Variants in UNC13A observed in about 807,000 individuals in gnomAD.
UNC13A encodes the protein unc-13 homolog A, also known as protein unc-13 homolog A.
A neutral mutation model predicts 219.7 loss-of-function variants in UNC13A; 61 were observed. The observed-to-expected ratio is 0.28, with a 90% CI of 0.23 to 0.34. The LOEUF is 0.34. Among genes scored for constraint, UNC13A ranks in the 10% least tolerant of loss-of-function variants. UNC13A has a pLI of 1.00. For synonymous variants in UNC13A, 920 were observed against 884.6 expected (o/e 1.04, Z -0.71); for missense variants, 1,476 against 2,270.3 (o/e 0.65, Z 7.11).
intron 31 of UNC13A, 136 bp from the exon 32 acceptor site, chr19:17,628,076 A>G: frequency 1.3e-6 from 1 of 751,662 alleles, no homozygotes; most frequent in Middle Eastern, 3.4e-4. Flanking sequence ...GTCACCTGCA[A>G]ATGGAAGGGA....
chr19:17,623,601 G>A lies in UNC13A; in HGVS notation c.4198-54C>T, dbSNP rs866459270. The A allele has an allele frequency of 1.2e-4, 119 of 1,005,490 alleles. No individual in the cohort carries two copies. The African/African-American group carries it at 1.7e-3, about 14-fold the overall frequency. 62.3% of individuals were successfully genotyped at this position (1,005,490 alleles called of 1,614,324 possible). On this transcript the variant is annotated intron_variant, in intron 35 of 43. Transcript: ENST00000519716. Reference sequence around the variant, plus strand: ...GGGGGAGGGGGGAATAAGGTACCATGAGTCTCCCGGGAAGGCCAGGGAGGG... The same window carrying A: ...GGGGGAGGGGGGAATAAGGTACCATAAGTCTCCCGGGAAGGCCAGGGAGGG...
chr19:17,671,203 C>T (rs2079781406), intron 4 of UNC13A, among the ~76,000 whole-genome samples: 1 of 151,802 alleles, frequency 6.6e-6, no homozygotes, highest in Non-Finnish European at 1.5e-5. Context: ...GAGGTGGGCA[C>T]ATGGGAATTT....
rs1025325995 is a variant in UNC13A, at chr19:17,610,130, C to T, written c.4652-31G>A. 3 of 1,611,330 alleles carry T rather than the reference C, an allele frequency of 1.9e-6. No individual in the cohort carries two copies. In the Admixed American group the frequency reaches 5.0e-5, roughly 27 times the overall value. On this transcript the variant is annotated intron_variant, in intron 42 of 43. Transcript: ENST00000519716. ...GGAGGAAGTAGAGGGTAAGACAGGTCAGGTTCTCCCAGTTGGAAAAAGTAG... is the reference window on the plus strand; with the variant it reads ...GGAGGAAGTAGAGGGTAAGACAGGTTAGGTTCTCCCAGTTGGAAAAAGTAG...
Position 17,680,178 on chromosome 19 carries a change from C to T in UNC13A, c.23-4137G>A, listed in dbSNP as rs552949376. Among the ~76,000 whole-genome samples, 6 of 151,778 alleles carry T rather than the reference C, an allele frequency of 4.0e-5. 1 individual carries two copies. In the South Asian group the frequency reaches 1.3e-3, roughly 32 times the overall value. ...GGGGAGGGTGGTATCGGGGGAGAGG[C>T]TTGGAGGAGGAAGGGGGCTCAGAGA... On this transcript the variant is annotated intron_variant, in intron 1 of 43. Transcript: ENST00000519716.
At position 17,645,786 on chromosome 19, in the gene UNC13A, G is replaced by A; in HGVS notation, c.2244C>T (p.Asp748=). ...IKVRVWDEDD[D]IKSRVKQRFK... is the part of the protein sequence containing the mutation. The stretch of plus-strand genomic sequence containing the variant: ...ACCTCTGTTTCACGCGGGATTTGAT[G>A]TCGTCATCCTCGTCCCAGACGCGCA... Residue 748 remains aspartate, a synonymous_variant, in exon 19 of 44, where the codon GAC becomes GAT. Transcript: ENST00000519716. 6.2e-7 allele frequency: 1 copy of A among 1,613,944 alleles called. No homozygotes were observed. The highest frequency in any genetic ancestry group is 8.5e-7 in the Non-Finnish European group (1 of 1,179,896).
chr19:17,653,951 C>T (rs562860596), intron 11 of UNC13A, among the ~76,000 whole-genome samples: 20 of 151,760 alleles, frequency 1.3e-4, no homozygotes, highest in Admixed American at 9.2e-4. Context: ...CTCAGCCTCC[C>T]GAGTAGCTGG....
chr19:17,651,594 G>T (rs1259788380), intron 12 of UNC13A, among the ~76,000 whole-genome samples: 3 of 152,184 alleles, frequency 2.0e-5, no homozygotes, highest in Non-Finnish European at 4.4e-5. Flanking sequence ...GCCCTGCAGG[G>T]CTATTCAACC....
In UNC13A at chr19:17,652,647, G is replaced by A. The variant is rs746931509; in HGVS notation, c.1423C>T (p.Leu475=). The change falls in exon 12 of 44, where the codon CTA becomes TTA. Residue 475 remains leucine, a synonymous_variant. Coordinates refer to ENST00000519716, the MANE Select transcript of UNC13A (RefSeq NM_001080421.3). The part of the protein sequence containing the change: ...ARGEGEMSKS[L]WFKGGPGGGL... ...ATTACTTACCCGCCTTTGAACCATA[G>A]GGATTTAGACATCTCTCCTTCTCCC... 4 of 1,613,750 alleles carry A rather than the reference G, an allele frequency of 2.5e-6. No homozygotes were observed. In the Admixed American group the frequency reaches 5.0e-5, roughly 20 times the overall value.
chr19:17,631,201 TC>T lies in UNC13A; in HGVS notation c.3429-452del, dbSNP rs1204325178. 2.3e-3 allele frequency among the ~76,000 whole-genome samples: 66 copies of T among 28,288 alleles called. 7 individuals are homozygous for T. The highest frequency in any genetic ancestry group is 7.7e-3 in the African/African-American group (41 of 5,350). 18.6% of individuals were successfully genotyped at this position (28,288 alleles called of 152,430 possible). On this transcript the variant is annotated intron_variant, in intron 28 of 43. Coordinates refer to ENST00000519716, the MANE Select transcript of UNC13A (RefSeq NM_001080421.3). ...TCCTTTCCTTCCTTCCCTCCCTCCCTCCCTTCCTTCCTTCCTTCCTTCTTCC... is the reference window on the plus strand; with the variant it reads ...TCCTTTCCTTCCTTCCCTCCCTCCCTCCTTCCTTCCTTCCTTCCTTCTTCC...
intron 1 of UNC13A, among the ~76,000 whole-genome samples, chr19:17,684,970 C>A (rs1280305016): frequency 6.6e-6 from 1 of 152,138 alleles, no homozygotes; most frequent in Non-Finnish European, 1.5e-5. Flanking sequence ...TGTTTATCTG[C>A]ATACATGTAT....
In UNC13A at chr19:17,608,241, CAATATATAATATATGA is replaced by C. The variant is rs1599820884; in HGVS notation, c.4811+1683_4811+1698del. Reference sequence around the variant, plus strand: ...TTTTTTGTATATACTATATTATATACAATATATAATATATGAAATATATAATATATATACTTTTATA... The same window carrying C: ...TTTTTTGTATATACTATATTATATACAATATATAATATATATACTTTTATA... On this transcript the variant is annotated intron_variant, in intron 43 of 43. Coordinates refer to ENST00000519716, the MANE Select transcript of UNC13A (RefSeq NM_001080421.3). Among the ~76,000 whole-genome samples the C allele has an allele frequency of 4.3e-5, 6 of 139,532 alleles. No homozygotes were observed. In the South Asian group the frequency reaches 1.1e-3, roughly 25 times the overall value. The allele number at this position is 139,532 out of a possible 152,430, so 91.5% of individuals were successfully genotyped here.
At chr19:17,608,265 AATAT>A (rs1488140340) in intron 43 of UNC13A, among the ~76,000 whole-genome samples, 3 of 140,396 alleles carry the variant, frequency 2.1e-5, no homozygotes, top group Non-Finnish European at 1.5e-5. Context: ...TGAAATATAT[AATAT>A]ATATACTTTT....
intron 1 of UNC13A, among the ~76,000 whole-genome samples, chr19:17,683,148 C>T (rs1388248312): frequency 1.3e-5 from 2 of 152,280 alleles, no homozygotes; most frequent in East Asian, 3.9e-4. Flanking sequence ...CTCCGAGGTC[C>T]TGGGGTCTGA....
At chr19:17,638,986 T>C in intron 25 of UNC13A, 97 bp downstream of exon 25, 1 of 1,385,678 alleles carries the variant, frequency 7.2e-7, no homozygotes, top group Admixed American at 2.7e-5. Context: ...ATACTGAGGT[T>C]CAGAAGAGTT....
At chr19:17,607,433 TTG>T (rs1272016103) in intron 43 of UNC13A, among the ~76,000 whole-genome samples, 1 of 125,572 alleles carries the variant, frequency 8.0e-6, no homozygotes, top group African/African-American at 3.1e-5. Flanking sequence ...GGCTGATTTT[TTG>T]TGTTTTTAGT....
Position 17,619,111 on chromosome 19 carries a change from C to A in UNC13A, c.4273-149G>T, listed in dbSNP as rs530293832. 7.0e-6 allele frequency: 5 copies of A among 716,420 alleles called. No homozygotes were observed. In the African/African-American group the frequency reaches 8.7e-5, roughly 13 times the overall value. The allele number at this position is 716,420 out of a possible 1,614,324, so 44.4% of individuals were successfully genotyped here. On this transcript the variant is annotated intron_variant, in intron 38 of 43. Transcript: ENST00000519716. The stretch of plus-strand genomic sequence containing the variant: ...GAGGTCTGGAATTCCCCAGGAAGAA[C>A]TGAGGAGGATGTGGTGACCTTGTCC...
In UNC13A at chr19:17,602,707, T is replaced by A. The variant is rs1351219331; in HGVS notation, c.*3347A>T. ...CTGTCCGTGTCTCAGCCATGTCCAC[T>A]CTCTGTCCCATGTGTCAGGCTCAGA... On this transcript the variant is annotated 3_prime_UTR_variant, in exon 44 of 44. Transcript: ENST00000519716. The A allele has an allele frequency of 6.6e-6, 1 of 152,314 alleles. No homozygotes were observed. Among genetic ancestry groups the A allele is most frequent in the Admixed American group, 6.5e-5 (1 of 15,276 alleles). The allele number at this position is 152,314 out of a possible 1,614,324, so 9.4% of individuals were successfully genotyped here. A position where few individuals can be genotyped will look rare whatever the true frequency, so the allele number is the denominator to read the frequency against.
chr19:17,655,637 C>A (rs2079435847), intron 10 of UNC13A, among the ~76,000 whole-genome samples: 1 of 151,126 alleles, frequency 6.6e-6, no homozygotes. Context: ...CCCATTTGCC[C>A]AGGATCTTGA....
At chr19:17,672,190 A>G (rs973267784) in intron 4 of UNC13A, among the ~76,000 whole-genome samples, 188 bp downstream of exon 4, 1 of 152,182 alleles carries the variant, frequency 6.6e-6, no homozygotes, top group Non-Finnish European at 1.5e-5. Context: ...AGCCACATGG[A>G]GAGAGAGGCA....
Sources: gnomAD v4.1 joint callset for allele counts (sites outside exome capture counted in the v4.1 genomes callset) on GRCh38, gnomAD v4.1.1 for gene constraint, MANE v1.5 for transcripts, NCBI Gene and HGNC (gene_info 2026-07-23, HGNC 2026-07-21) for gene names.